The following XKR6 variants were observed in gnomAD, a reference collection of about 807,000 sequenced individuals.
XKR6 encodes XK-related protein 6.
In XKR6, 22 loss-of-function variants were observed where a neutral mutation model predicts 56.7. The ratio of observed to expected loss-of-function variants is 0.39; its 90% CI spans 0.28 to 0.55. The LOEUF (loss-of-function observed/expected upper bound fraction) is 0.55, where lower values mean the gene tolerates loss of function less well. Ranked by LOEUF, XKR6 falls within the 20% of genes least tolerant of loss-of-function variation. The pLI is 0.66. For synonymous variants in XKR6, 524 were observed against 387.8 expected (o/e 1.35, Z -4.13); for missense variants, 852 against 889.0 (o/e 0.96, Z 0.53).
intron 1 of XKR6, among the ~76,000 whole-genome samples, chr8:11,074,359 G>A (rs960137672): frequency 6.6e-6 from 1 of 152,174 alleles, no homozygotes; most frequent in Non-Finnish European, 1.5e-5. Context: ...GGTAAGTGTT[G>A]AGTTAGTGAC....
rs985809321 is a variant in XKR6 at position 11,185,110 on chromosome 8, GGTGTGA to G, written c.764+15460_764+15465del. Reference sequence around the variant, plus strand: ...GTCCCAGTCTAAGGACATGGGTGCGGGTGTGAGTGTGAGTGTGCCCTGTGATGGGAT... The same window carrying G: ...GTCCCAGTCTAAGGACATGGGTGCGGGTGTGAGTGTGCCCTGTGATGGGAT... On this transcript the variant is annotated intron_variant, in intron 1 of 2. Coordinates refer to ENST00000416569, the MANE Select transcript of XKR6 (RefSeq NM_173683.4). 9.9e-5 allele frequency among the ~76,000 whole-genome samples: 15 copies of G among 152,240 alleles called. No homozygotes were observed. In the South Asian group the frequency reaches 1.2e-3, roughly 13 times the overall value.
At chr8:11,065,205 C>T (rs1244454704) in intron 1 of XKR6, among the ~76,000 whole-genome samples, 1 of 152,144 alleles carries the variant, frequency 6.6e-6, no homozygotes, top group Non-Finnish European at 1.5e-5. Context: ...TCCCCGGCAC[C>T]CATGGCAAAG....
At chr8:11,037,876 A>AAC (rs1554528562) in intron 1 of XKR6, among the ~76,000 whole-genome samples, 2 of 151,354 alleles carry the variant, frequency 1.3e-5, no homozygotes, top group African/African-American at 2.4e-5. Flanking sequence ...AAAAAAAAAA[A>AAC]ATTAGCCGGG....
chr8:11,135,748 GAA>G (rs1800356619), intron 1 of XKR6, among the ~76,000 whole-genome samples: 1 of 148,226 alleles, frequency 6.7e-6, no homozygotes, highest in South Asian at 2.1e-4. Context: ...AGGAAAAGGA[GAA>G]AAAAGTGAAA....
rs141925965 is a variant in XKR6, at chr8:11,114,804, T to C, written c.764+85772A>G. Among the ~76,000 whole-genome samples, 10 of 146,572 alleles carry C rather than the reference T, an allele frequency of 6.8e-5. No homozygotes were observed. The East Asian group carries it at 2.1e-3, about 30-fold the overall frequency. On this transcript the variant is annotated intron_variant, in intron 1 of 2. Transcript: ENST00000416569. ...GCCAGGGCAAGAAAGGTCAGTGTAATGCTAAACCGTAACAATAGCCTGGCC... is the reference window on the plus strand; with the variant it reads ...GCCAGGGCAAGAAAGGTCAGTGTAACGCTAAACCGTAACAATAGCCTGGCC...
intron 1 of XKR6, chr8:11,128,799 G>A: frequency 2.2e-6 from 1 of 456,342 alleles, no homozygotes; most frequent in South Asian, 1.6e-5. Context: ...GACCAAATTA[G>A]CTCAACCTTC....
intron 1 of XKR6, among the ~76,000 whole-genome samples, chr8:11,083,850 A>G (rs1797803612): frequency 6.6e-6 from 1 of 152,234 alleles, no homozygotes; most frequent in African/African-American, 2.4e-5. Context: ...CACTATGATT[A>G]CATGTTTTAA....
chr8:10,959,266 C>T (rs1801990780), intron 1 of XKR6, among the ~76,000 whole-genome samples: 1 of 152,098 alleles, frequency 6.6e-6, no homozygotes, highest in African/African-American at 2.4e-5. Flanking sequence ...GAACTGAGTC[C>T]CCTCGGCTTG....
At chr8:11,185,861 T>C (rs530332679) in intron 1 of XKR6, among the ~76,000 whole-genome samples, 1 of 152,338 alleles carries the variant, frequency 6.6e-6, no homozygotes, top group Admixed American at 6.5e-5. Flanking sequence ...TTTAGTGTAT[T>C]TAGTATGACT....
intron 1 of XKR6, among the ~76,000 whole-genome samples, chr8:10,927,848 T>G (rs928851178): frequency 1.4e-4 from 21 of 152,166 alleles, no homozygotes; most frequent in African/African-American, 4.8e-4. Flanking sequence ...CAAGCAGACG[T>G]TGGGGCCTAG....
At chr8:10,911,509 T>C (rs1800364829) in intron 2 of XKR6, among the ~76,000 whole-genome samples, 1 of 148,032 alleles carries the variant, frequency 6.8e-6, no homozygotes, top group African/African-American at 2.5e-5. Flanking sequence ...GGTGAGATTG[T>C]ATATATATAT....
At chr8:10,948,973 A>G (rs1274285608) in intron 1 of XKR6, among the ~76,000 whole-genome samples, 1 of 152,224 alleles carries the variant, frequency 6.6e-6, no homozygotes, top group Non-Finnish European at 1.5e-5. Context: ...TGGGCGGTGC[A>G]GCCTCTCGGG....
At chr8:10,915,543 T>C (rs1800537301) in intron 2 of XKR6, among the ~76,000 whole-genome samples, 1 of 152,020 alleles carries the variant, frequency 6.6e-6, no homozygotes, top group Non-Finnish European at 1.5e-5. Flanking sequence ...ACCCTCCCTC[T>C]CGCCATTGGT....
At chr8:11,072,011 A>AT (rs201083211) in intron 1 of XKR6, among the ~76,000 whole-genome samples, 2,050 of 152,148 alleles carry the variant, frequency 0.013, 48 homozygotes, top group African/African-American at 0.047. Flanking sequence ...AAAACACCCA[A>AT]TTTTTTTTAA....
chr8:10,929,759 A>C (rs1038789423), intron 1 of XKR6, among the ~76,000 whole-genome samples: 1 of 152,170 alleles, frequency 6.6e-6, no homozygotes, highest in African/African-American at 2.4e-5. Context: ...CTTAAATAAG[A>C]CCATGCCTGT....
At chr8:11,187,539 T>C (rs1357273273) in intron 1 of XKR6, among the ~76,000 whole-genome samples, 1 of 152,112 alleles carries the variant, frequency 6.6e-6, no homozygotes, top group Non-Finnish European at 1.5e-5. Flanking sequence ...TCACGAGTGG[T>C]TCTTCCCAGC....
intron 1 of XKR6, among the ~76,000 whole-genome samples, chr8:11,099,498 T>A (rs1044926920): frequency 2.6e-5 from 4 of 152,230 alleles, no homozygotes; most frequent in African/African-American, 9.6e-5. Context: ...CAGCCCTGCC[T>A]GGAGAGCGAG....
At chr8:11,129,345 A>G (rs768508945) in intron 1 of XKR6, among the ~76,000 whole-genome samples, 2 of 152,246 alleles carry the variant, frequency 1.3e-5, no homozygotes, top group Non-Finnish European at 2.9e-5. Flanking sequence ...CTGCAGTTGT[A>G]TCACTGCAGG....
chr8:11,043,715 T>C (rs941306340), intron 1 of XKR6, among the ~76,000 whole-genome samples: 2 of 152,158 alleles, frequency 1.3e-5, no homozygotes, highest in Non-Finnish European at 2.9e-5. Context: ...CCCAGAGAAA[T>C]CTTAAAAACT....
Sources: allele counts gnomAD v4.1 joint callset (sites outside exome capture counted in the v4.1 genomes callset), GRCh38; gene constraint gnomAD v4.1.1; transcripts MANE v1.5; gene names NCBI Gene and HGNC (gene_info 2026-07-23, HGNC 2026-07-21).